Variants in CDH12 observed in about 807,000 individuals in gnomAD.
CDH12 encodes cadherin-12.
In CDH12, 41 loss-of-function variants were observed where a neutral mutation model predicts 74.1. The ratio of observed to expected loss-of-function variants is 0.55; its 90% CI spans 0.43 to 0.72. CDH12 has a LOEUF of 0.72. Among genes scored for constraint, CDH12 ranks in the 30% least tolerant of loss-of-function variants. The pLI is 0.00. For synonymous variants in CDH12, 399 were observed against 355.0 expected (o/e 1.12, Z -1.39); for missense variants, 945 against 977.2 (o/e 0.97, Z 0.44).
chr5:22,838,307 G>A (rs1303476314), intron 1 of CDH12, among the ~76,000 whole-genome samples: 1 of 152,064 alleles, frequency 6.6e-6, no homozygotes, highest in Non-Finnish European at 1.5e-5. Context: ...GAATGTGCTT[G>A]GATTCCCAGA....
intron 2 of CDH12, among the ~76,000 whole-genome samples, chr5:22,410,520 C>A (rs899745396): frequency 1.3e-5 from 2 of 152,112 alleles, no homozygotes; most frequent in African/African-American, 4.8e-5. Context: ...TCTGTCCAAT[C>A]ATACTTCTAC....
chr5:21,970,669 A>G (rs1561337451), intron 6 of CDH12, among the ~76,000 whole-genome samples: 2 of 151,406 alleles, frequency 1.3e-5, no homozygotes, highest in Non-Finnish European at 2.9e-5. Context: ...GCAAAACCCC[A>G]TCTCTTCTAA....
chr5:22,692,268 ATACAGGC>A (rs1278809815), intron 1 of CDH12, among the ~76,000 whole-genome samples: 1 of 152,160 alleles, frequency 6.6e-6, no homozygotes, highest in Non-Finnish European at 1.5e-5. Flanking sequence ...CGGGCTTCTC[ATACAGGC>A]TACAGAGCTA....
chr5:21,800,017 A>C (rs1045460385), intron 10 of CDH12, among the ~76,000 whole-genome samples: 2 of 152,074 alleles, frequency 1.3e-5, no homozygotes, highest in Non-Finnish European at 1.5e-5. Flanking sequence ...ACTAAGGTTT[A>C]ATGGAGTTTC....
intron 1 of CDH12, among the ~76,000 whole-genome samples, chr5:22,848,141 A>C (rs1037622950): frequency 7.2e-5 from 11 of 152,150 alleles, no homozygotes; most frequent in African/African-American, 2.7e-4. Context: ...ATTATGTACT[A>C]ACTCTCTGGT....
chr5:22,489,094 G>T (rs1746740513), intron 2 of CDH12, among the ~76,000 whole-genome samples: 1 of 12,040 alleles, frequency 8.3e-5, no homozygotes, highest in Non-Finnish European at 2.4e-4. Context: ...GTCTCGCTCT[G>T]TTGCCCAGGC....
intron 1 of CDH12, among the ~76,000 whole-genome samples, chr5:22,792,529 G>C (rs571809497): frequency 1.3e-5 from 2 of 152,278 alleles, no homozygotes; most frequent in Non-Finnish European, 2.9e-5. Flanking sequence ...CTATTATTAA[G>C]ATGTGTCATG....
At chr5:21,989,493 A>C (rs1474541304) in intron 5 of CDH12, among the ~76,000 whole-genome samples, 3 of 152,120 alleles carry the variant, frequency 2.0e-5, no homozygotes, top group African/African-American at 7.2e-5. Flanking sequence ...CTCTTGACTA[A>C]AAGTAGATGA....
chr5:21,902,612 C>G (rs924849689), intron 6 of CDH12, among the ~76,000 whole-genome samples: 1 of 152,102 alleles, frequency 6.6e-6, no homozygotes, highest in Admixed American at 6.6e-5. Flanking sequence ...CCCAGCATTA[C>G]TTAATTCTAA....
chr5:22,634,244 A>G (rs1291211952), intron 1 of CDH12, among the ~76,000 whole-genome samples: 1 of 152,154 alleles, frequency 6.6e-6, no homozygotes, highest in Non-Finnish European at 1.5e-5. Context: ...TAATTACATT[A>G]TATGTTAATT....
At chr5:22,528,757 CA>C (rs1737401307) in intron 1 of CDH12, among the ~76,000 whole-genome samples, 2 of 152,004 alleles carry the variant, frequency 1.3e-5, no homozygotes, top group Admixed American at 6.6e-5. Flanking sequence ...TTGACTCTTA[CA>C]AGTGGTTGAT....
At chr5:21,815,236 C>T (rs1747977367) in intron 9 of CDH12, among the ~76,000 whole-genome samples, 1 of 152,046 alleles carries the variant, frequency 6.6e-6, no homozygotes, top group Admixed American at 6.6e-5. Context: ...AGTATTTATT[C>T]TGGTTAAAAT....
At chr5:22,444,255 C>A (rs1744734121) in intron 2 of CDH12, among the ~76,000 whole-genome samples, 2 of 152,046 alleles carry the variant, frequency 1.3e-5, no homozygotes, top group Admixed American at 6.6e-5. Context: ...CACACACACA[C>A]ACTTTTAGAT....
intron 3 of CDH12, among the ~76,000 whole-genome samples, chr5:22,397,483 T>G (rs1388437431): frequency 1.3e-5 from 2 of 150,582 alleles, no homozygotes; most frequent in African/African-American, 4.9e-5. Flanking sequence ...CTTTTGGAAC[T>G]GAGTTGCTTC....
chr5:21,996,150 T>C (rs1205586822), intron 5 of CDH12, among the ~76,000 whole-genome samples: 1 of 145,728 alleles, frequency 6.9e-6, no homozygotes, highest in East Asian at 2.1e-4. Context: ...CTGCTTGAAG[T>C]GTAGACCATG....
At chr5:22,437,616 T>A (rs1744458936) in intron 2 of CDH12, among the ~76,000 whole-genome samples, 2 of 151,962 alleles carry the variant, frequency 1.3e-5, no homozygotes, top group South Asian at 4.1e-4. Context: ...TTTATAAATT[T>A]TTAGGTAGAA....
chr5:22,556,452 T>C (rs1738808597), intron 1 of CDH12, among the ~76,000 whole-genome samples: 1 of 152,090 alleles, frequency 6.6e-6, no homozygotes, highest in South Asian at 2.1e-4. Context: ...AAATATTTTC[T>C]CAAGAACCAG....
At chr5:22,849,924 T>G (rs1226771405) in intron 1 of CDH12, among the ~76,000 whole-genome samples, 2 of 152,084 alleles carry the variant, frequency 1.3e-5, no homozygotes, top group African/African-American at 2.4e-5. Context: ...CCATCAGCTA[T>G]AACATGATAG....
chr5:22,624,053 A>G (rs1738134422), intron 1 of CDH12, among the ~76,000 whole-genome samples: 1 of 152,310 alleles, frequency 6.6e-6, no homozygotes, highest in Admixed American at 6.5e-5. Context: ...TGACAAAACC[A>G]AGAAATGGGG....
Sources: allele counts gnomAD v4.1 joint callset (sites outside exome capture counted in the v4.1 genomes callset), GRCh38; gene constraint gnomAD v4.1.1; transcripts MANE v1.5; gene names NCBI Gene and HGNC (gene_info 2026-07-23, HGNC 2026-07-21).